The following DDX20 variants were observed in gnomAD, a reference collection of about 807,000 sequenced individuals.
DDX20 encodes DEAD-box helicase 20, also known as probable ATP-dependent RNA helicase DDX20.
Under a neutral mutation model 76.4 loss-of-function variants are expected in DDX20, and 61 were observed. The ratio of observed to expected loss-of-function variants is 0.80; its 90% confidence interval spans 0.65 to 0.99. The LOEUF (loss-of-function observed/expected upper bound fraction) is 0.99. Among genes scored for constraint, DDX20 ranks in the 50% least tolerant of loss-of-function variants. DDX20 has a pLI of 0.00. For synonymous variants in DDX20, 357 were observed against 357.4 expected (o/e 1.00, Z 0.01); for missense variants, 976 against 996.8 (o/e 0.98, Z 0.28).
chr1:111,761,336 C>T, intron 7 of DDX20, 52 bp downstream of exon 7: 2 of 1,486,116 alleles, frequency 1.3e-6, no homozygotes, highest in Admixed American at 1.9e-5. Context: ...CTTGAAGCCT[C>T]CAAAGTCAGG....
At chr1:111,763,079 G>C (rs1050474072) in intron 10 of DDX20, 72 bp downstream of exon 10, 1 of 1,220,458 alleles carries the variant, frequency 8.2e-7, no homozygotes, top group African/African-American at 1.5e-5. Flanking sequence ...GATAATAATA[G>C]CTAACAGAGT....
At chr1:111,760,158 G>A (rs1411668386) in intron 3 of DDX20, among the ~76,000 whole-genome samples, 1 of 152,134 alleles carries the variant, frequency 6.6e-6, no homozygotes, top group Non-Finnish European at 1.5e-5. Flanking sequence ...GCCATGGATT[G>A]GGATTATTCT....
chr1:111,761,349 G>GA (rs1193346883), intron 7 of DDX20, 65 bp downstream of exon 7: 25 of 1,331,400 alleles, frequency 1.9e-5, no homozygotes, highest in Non-Finnish European at 2.6e-5. Context: ...AAGTCAGGAG[G>GA]AAAAAATACC....
rs1314801047 is a variant in DDX20 at position 111,762,993 on chromosome 1, T to G, written c.1298T>G (p.Leu433Arg). 3 of 1,611,876 alleles carry G rather than the reference T, an allele frequency of 1.9e-6. No individual in the cohort carries two copies. Among genetic ancestry groups the G allele is most frequent in the East Asian group, 4.5e-5 (2 of 44,864 alleles). The part of the protein sequence containing the change: ...MRIAQKCNIN[L>R]LPLPDPIPSG... Reference sequence around the variant, plus strand: ...ATTGCCCAGAAATGTAATATCAACCTTCTCCCTTTACCAGGTACATTTCAT... The same window carrying G: ...ATTGCCCAGAAATGTAATATCAACCGTCTCCCTTTACCAGGTACATTTCAT... The change falls in exon 10 of 11, where the codon CTT (leucine) becomes CGT (arginine). Residue 433 changes from leucine (L) to arginine (R), a missense_variant. By Grantham distance (102) the Leu-to-Arg change is moderately radical (BLOSUM62 -2). This residue lies in a region of DDX20 where 630 missense variants were observed against 693.7 expected (regional missense o/e 0.91). Coordinates refer to ENST00000369702, the MANE Select transcript of DDX20 (RefSeq NM_007204.5).
chr1:111,763,059 T>G, intron 10 of DDX20, 52 bp downstream of exon 10: 1 of 1,404,990 alleles, frequency 7.1e-7, no homozygotes, highest in Non-Finnish European at 1.0e-6. Context: ...GTGATAAGCA[T>G]AATAAAAATG....
chr1:111,767,257 T>C lies in DDX20; in HGVS notation c.*358T>C, dbSNP rs1041804246. ...AAAACAATAAAAGCAATAGATTTGA[T>C]TAGTAATATTATTGCTGTGGAGTTC... is the stretch of plus-strand genomic sequence containing the variant. On this transcript the variant is annotated 3_prime_UTR_variant, in exon 11 of 11. Coordinates refer to ENST00000369702, the MANE Select transcript of DDX20 (RefSeq NM_007204.5). 2 of 173,190 alleles carry C rather than the reference T, an allele frequency of 1.2e-5. No individual in the cohort carries two copies. Among genetic ancestry groups the C allele is most frequent in the Non-Finnish European group, 2.5e-5 (2 of 80,278 alleles). The allele number at this position is 173,190 out of a possible 1,614,324, so 10.7% of individuals were successfully genotyped here.
Position 111,761,077 on chromosome 1 carries a change from G to C in DDX20, c.914G>C (p.Ser305Thr), listed in dbSNP as rs1176405753. ...ACTCAGCATTTACAGGAACTGTTCA[G>C]CAGAATTCCATTTAATCAAGCTTTA... is the stretch of plus-strand genomic sequence containing the variant. ...EKTQHLQELFSRIPFNQALVF... is the reference protein window; with the variant it reads ...EKTQHLQELFTRIPFNQALVF... Residue 305 changes from serine (S) to threonine (T), a missense_variant, in exon 6 of 11, where the codon AGC becomes ACC. Physicochemically the swap from Ser to Thr is moderately conservative, Grantham distance 58. Transcript: ENST00000369702. The C allele has an allele frequency of 6.2e-7, 1 of 1,613,846 alleles. No homozygotes were observed. Among genetic ancestry groups the C allele is most frequent in the African/African-American group, 1.3e-5 (1 of 74,922 alleles).
In DDX20 at chr1:111,761,139, A is replaced by C; in HGVS notation, c.962+14A>C. ...TTTGCACAGCAGGTAATGTAACTTAAAAGGTCATCTGGGGAACTTGTGAAA... is the reference window on the plus strand; with the variant it reads ...TTTGCACAGCAGGTAATGTAACTTACAAGGTCATCTGGGGAACTTGTGAAA... On this transcript the variant is annotated intron_variant, in intron 6 of 10. Coordinates refer to ENST00000369702, the MANE Select transcript of DDX20 (RefSeq NM_007204.5). 6.2e-7 allele frequency: 1 copy of C among 1,612,688 alleles called. No homozygotes were observed. Among genetic ancestry groups the C allele is most frequent in the Non-Finnish European group, 8.5e-7 (1 of 1,179,356 alleles).
chr1:111,756,422 T>G (rs1663555924), intron 1 of DDX20, among the ~76,000 whole-genome samples, 197 bp downstream of exon 1: 1 of 152,192 alleles, frequency 6.6e-6, no homozygotes, highest in South Asian at 2.1e-4. Context: ...TTGAGGATAG[T>G]TAAGACCTTT....
At chr1:111,757,763 T>C (rs1236349020) in intron 2 of DDX20, among the ~76,000 whole-genome samples, 2 of 152,240 alleles carry the variant, frequency 1.3e-5, no homozygotes, top group African/African-American at 4.8e-5. Flanking sequence ...CCCAAGAACC[T>C]GAGTTAGTCT....
intron 7 of DDX20, 126 bp from the exon 8 acceptor site, chr1:111,762,129 G>T (rs1663686703): frequency 3.0e-6 from 2 of 661,656 alleles, no homozygotes; most frequent in Non-Finnish European, 5.2e-6. Flanking sequence ...CAGAAGGACA[G>T]AATTAACTGT....
chr1:111,766,977 AC>A lies in DDX20; in HGVS notation c.*79del. On this transcript the variant is annotated 3_prime_UTR_variant, in exon 11 of 11. Coordinates refer to ENST00000369702, the MANE Select transcript of DDX20 (RefSeq NM_007204.5). ...ATATCCATCCTCCTCGACTTATAGT[AC>A]AGTGGTGTATAGTGGCATTTCTGAT... is the stretch of plus-strand genomic sequence containing the variant. The A allele has an allele frequency of 1.7e-6, 2 of 1,165,940 alleles. No individual in the cohort carries two copies. Among genetic ancestry groups the A allele is most frequent in the Non-Finnish European group, 2.5e-6 (2 of 815,148 alleles). The allele number at this position is 1,165,940 out of a possible 1,614,324, so 72.2% of individuals were successfully genotyped here.
intron 10 of DDX20, among the ~76,000 whole-genome samples, chr1:111,763,868 A>G (rs1469910609): frequency 2.0e-5 from 3 of 152,180 alleles, no homozygotes; most frequent in African/African-American, 7.2e-5. Flanking sequence ...AAAACTAGTA[A>G]TGATCTCTTA....
In DDX20 at chr1:111,765,826, C is replaced by T; in HGVS notation, c.1402C>T (p.Pro468Ser). 6.2e-7 allele frequency: 1 copy of T among 1,614,014 alleles called. No individual in the cohort carries two copies. The highest frequency in any genetic ancestry group is 8.5e-7 in the Non-Finnish European group (1 of 1,179,982). ...AVHTYGIASVPNQPLKKQIQK... is the reference protein window; with the variant it reads ...AVHTYGIASVSNQPLKKQIQK... ...GCATACATATGGTATAGCAAGTGTACCTAACCAACCCTTAAAAAAGCAAAT... is the reference window on the plus strand; with the variant it reads ...GCATACATATGGTATAGCAAGTGTATCTAACCAACCCTTAAAAAAGCAAAT... The change falls in exon 11 of 11, where the codon CCT becomes TCT. Residue 468 changes from proline to serine, a missense_variant. Pro to Ser is a moderately conservative substitution (Grantham distance 74). Coordinates refer to ENST00000369702, the MANE Select transcript of DDX20 (RefSeq NM_007204.5).
At chr1:111,757,331 A>T (rs1287862764) in intron 2 of DDX20, among the ~76,000 whole-genome samples, 1 of 152,190 alleles carries the variant, frequency 6.6e-6, no homozygotes, top group African/African-American at 2.4e-5. Flanking sequence ...GATTACAGGC[A>T]TGAGCCACCA....
chr1:111,756,731 A>T lies in DDX20; in HGVS notation c.387A>T (p.Leu129Phe), dbSNP rs1360255567. Residue 129 changes from leucine (L) to phenylalanine (F), a missense_variant, in exon 2 of 11, where the codon TTA (leucine) becomes TTT (phenylalanine). This residue lies in a region of DDX20 where 343 missense variants were observed against 286.4 expected (regional missense o/e 1.20). Coordinates refer to ENST00000369702, the MANE Select transcript of DDX20 (RefSeq NM_007204.5). ...IALDSLVLEN[L>F]STQILILAPT... is the part of the protein sequence containing the mutation. The stretch of plus-strand genomic sequence containing the variant: ...TGGACTCTCTTGTTCTTGAAAACTT[A>T]AGTACCCAGGTGAGTTAGCTGAGAG... The T allele has an allele frequency of 1.2e-6, 2 of 1,613,944 alleles. No homozygotes were observed. Among genetic ancestry groups the T allele is most frequent in the South Asian group, 2.2e-5 (2 of 91,082 alleles).
In DDX20 at chr1:111,756,635, T is replaced by G; in HGVS notation, c.302-11T>G. 6.2e-7 allele frequency: 1 copy of G among 1,613,618 alleles called. No homozygotes were observed. Among genetic ancestry groups the G allele is most frequent in the Non-Finnish European group, 8.5e-7 (1 of 1,179,556 alleles). ...GTACTGGCTAGTGATAATTGTTTTT[T>G]TCCTTCGCAGATTTAATTGTTCAAG... On this transcript the variant is annotated splice_polypyrimidine_tract_variant and intron_variant, in intron 1 of 10. Coordinates refer to ENST00000369702, the MANE Select transcript of DDX20 (RefSeq NM_007204.5).
chr1:111,761,285 G>A lies in DDX20; in HGVS notation c.1021+1G>A, dbSNP rs1189694304. 6.2e-7 allele frequency: 1 copy of A among 1,612,034 alleles called. No individual in the cohort carries two copies. Among genetic ancestry groups the A allele is most frequent in the Admixed American group, 1.7e-5 (1 of 59,842 alleles). On this transcript the variant is annotated splice_donor_variant, in intron 7 of 10. Transcript: ENST00000369702. LOFTEE classifies it high-confidence loss of function. ...GGCTTTCCTGCTGAGTGCATTTCAG[G>A]TAAGTTCATCTCTTACTTTAATCTT... is the stretch of plus-strand genomic sequence containing the variant.
In DDX20 at chr1:111,767,500, G is replaced by A. The variant is rs1663806848; in HGVS notation, c.*601G>A. On this transcript the variant is annotated 3_prime_UTR_variant, in exon 11 of 11. Coordinates refer to ENST00000369702, the MANE Select transcript of DDX20 (RefSeq NM_007204.5). Reference sequence around the variant, plus strand: ...ATTTAAATATATTTACATGTTTGTTGTTTATCTTTTGAATGTCTTTTGAGG... The same window carrying A: ...ATTTAAATATATTTACATGTTTGTTATTTATCTTTTGAATGTCTTTTGAGG... 1 of 152,106 alleles carries A rather than the reference G, an allele frequency of 6.6e-6. No individual in the cohort carries two copies. Among genetic ancestry groups the A allele is most frequent in the Non-Finnish European group, 1.5e-5 (1 of 68,036 alleles). The allele number at this position is 152,106 out of a possible 1,614,324, so 9.4% of individuals were successfully genotyped here.
Sources: gnomAD v4.1 joint callset for allele counts (sites outside exome capture counted in the v4.1 genomes callset) on GRCh38, gnomAD v4.1.1 for gene constraint, gnomAD v4.1.1 regional missense constraint, MANE v1.5 for transcripts, NCBI Gene and HGNC (gene_info 2026-07-23, HGNC 2026-07-21) for gene names.